Variants in ENPP6 observed in about 807,000 individuals in gnomAD.
ENPP6 encodes the protein glycerophosphocholine cholinephosphodiesterase ENPP6.
A neutral mutation model predicts 42.0 loss-of-function variants in ENPP6; 32 were observed. That is an observed-to-expected ratio of 0.76 (90% confidence interval 0.58 to 1.02). ENPP6 has a LOEUF of 1.02. ENPP6 is among the 50% of genes least tolerant of loss of function. ENPP6 has a pLI of 0.00. For synonymous variants in ENPP6, 213 were observed against 216.0 expected (o/e 0.99, Z 0.12); for missense variants, 552 against 566.8 (o/e 0.97, Z 0.27).
chr4:184,206,251 ATTTTTTTT>A (rs1554000365), intron 1 of ENPP6, among the ~76,000 whole-genome samples: 133 of 93,410 alleles, frequency 1.4e-3, no homozygotes, highest in African/African-American at 5.6e-3. Flanking sequence ...GGAAGCTTGA[ATTTTTTTT>A]TTTTTTTTTT....
rs1384427303 is a variant in ENPP6 at position 184,208,839 on chromosome 4, T to C, written c.241+8740A>G. On this transcript the variant is annotated intron_variant, in intron 1 of 7. Coordinates refer to ENST00000296741, the MANE Select transcript of ENPP6 (RefSeq NM_153343.4). The stretch of plus-strand genomic sequence containing the variant: ...TAACCTCTGCAGACTTAAATGTCCC[T>C]GTCAGCTTTGAAGAGAGCAGTGGTT... 1.4e-5 allele frequency among the ~76,000 whole-genome samples: 2 copies of C among 142,494 alleles called. 1 individual carries two copies. The highest frequency in any genetic ancestry group is 3.1e-5 in the Non-Finnish European group (2 of 63,620). The allele number at this position is 142,494 out of a possible 152,430, so 93.5% of individuals were successfully genotyped here.
rs1452365245 is a variant in ENPP6, at chr4:184,209,198, C to G, written c.241+8381G>C. Among the ~76,000 whole-genome samples the G allele has an allele frequency of 9.2e-4, 139 of 150,502 alleles. 2 individuals are homozygous for G. Among genetic ancestry groups the G allele is most frequent in the African/African-American group, 3.2e-3 (129 of 40,130 alleles). ...GAGCGCCTCTCCTCTTCCAAAGGAA[C>G]GCAGCTCCTCACCAGCAATGGAACA... is the stretch of plus-strand genomic sequence containing the variant. On this transcript the variant is annotated intron_variant, in intron 1 of 7. Transcript: ENST00000296741.
rs943528071 is a variant in ENPP6 at position 184,106,613 on chromosome 4, G to C, written c.993+6059C>G. On this transcript the variant is annotated intron_variant, in intron 6 of 7. Transcript: ENST00000296741. ...GCCTCAAGCTCCCTTCTCAGAGAGG[G>C]CCCCCCCAGCCCCTCATCTATATCG... Among the ~76,000 whole-genome samples, 8 of 152,028 alleles carry C rather than the reference G, an allele frequency of 5.3e-5. No homozygotes were observed. In the South Asian group the frequency reaches 1.0e-3, roughly 20 times the overall value.
At chr4:184,140,716 T>C (rs1579631066) in intron 2 of ENPP6, among the ~76,000 whole-genome samples, 1 of 131,052 alleles carries the variant, frequency 7.6e-6, no homozygotes, top group East Asian at 2.1e-4. Flanking sequence ...GATCCCTTCC[T>C]TACACCTTAT....
chr4:184,097,292 T>C lies in ENPP6; in HGVS notation c.1070A>G (p.Asp357Gly), dbSNP rs1288693634. Residue 357 changes from aspartate to glycine, a missense_variant, in exon 7 of 8, where the codon GAC becomes GGC. Asp to Gly is a moderately conservative substitution (Grantham distance 94, BLOSUM62 -1). Around this residue, in one of 2 missense-constraint regions of ENPP6, gnomAD observed 545 missense variants for 546.3 expected, o/e 1.00. Transcript: ENST00000296741. ...EGWQRGWHGYDNELMDMRGIF... is the reference protein window; with the variant it reads ...EGWQRGWHGYGNELMDMRGIF... ...GCCCCGCATGTCCATGAGCTCGTTG[T>C]CGTAGCCGTGCCATCCACGCTGCCA... 6.2e-6 allele frequency: 10 copies of C among 1,614,088 alleles called. No individual in the cohort carries two copies. The highest frequency in any genetic ancestry group is 5.0e-5 in the Admixed American group (3 of 59,996).
intron 1 of ENPP6, among the ~76,000 whole-genome samples, chr4:184,182,338 G>A (rs958869883): frequency 7.9e-5 from 12 of 152,026 alleles, no homozygotes; most frequent in South Asian, 4.2e-4. Context: ...TCAGAACGGC[G>A]ATTACTAGGA....
intron 1 of ENPP6, among the ~76,000 whole-genome samples, chr4:184,205,929 G>A (rs1040373237): frequency 6.6e-6 from 1 of 152,204 alleles, no homozygotes; most frequent in Admixed American, 6.5e-5. Flanking sequence ...TGGGACCTGT[G>A]AGCCGTCAGG....
intron 1 of ENPP6, among the ~76,000 whole-genome samples, chr4:184,196,339 T>C (rs924544227): frequency 1.3e-4 from 20 of 152,256 alleles, no homozygotes; most frequent in African/African-American, 4.6e-4. Flanking sequence ...TTGCTTCAAC[T>C]TTATTCAAGC....
At chr4:184,195,219 C>A (rs1245035832) in intron 1 of ENPP6, among the ~76,000 whole-genome samples, 3 of 152,068 alleles carry the variant, frequency 2.0e-5, no homozygotes, top group African/African-American at 7.3e-5. Context: ...CGGATTATTT[C>A]ATCACCCTGG....
At chr4:184,141,648 C>T (rs2111368590) in intron 2 of ENPP6, among the ~76,000 whole-genome samples, 1 of 152,288 alleles carries the variant, frequency 6.6e-6, no homozygotes, top group Admixed American at 6.5e-5. Flanking sequence ...AGTCTGCCTT[C>T]TTGCTGGGTA....
chr4:184,176,958 A>G (rs777082022), intron 1 of ENPP6, among the ~76,000 whole-genome samples: 10 of 152,084 alleles, frequency 6.6e-5, no homozygotes, highest in Non-Finnish European at 1.5e-4. Flanking sequence ...TGATTGAGCT[A>G]CCCTGCGCGG....
At chr4:184,206,933 T>G (rs1733010236) in intron 1 of ENPP6, among the ~76,000 whole-genome samples, 1 of 152,232 alleles carries the variant, frequency 6.6e-6, no homozygotes. Flanking sequence ...CACAACCTTC[T>G]GGCCACTCTA....
At chr4:184,117,181 G>T in intron 4 of ENPP6, 146 bp from the exon 5 acceptor site, 1 of 943,554 alleles carries the variant, frequency 1.1e-6, no homozygotes, top group Non-Finnish European at 1.6e-6. Context: ...GTGAGACCCA[G>T]TTCAAAACCA....
intron 6 of ENPP6, among the ~76,000 whole-genome samples, chr4:184,102,635 G>A (rs1736024682): frequency 6.6e-6 from 1 of 152,198 alleles, no homozygotes; most frequent in South Asian, 2.1e-4. Flanking sequence ...GTTGAAATCT[G>A]TCTTCTCTGC....
At chr4:184,136,355 C>T (rs1359914008) in intron 2 of ENPP6, among the ~76,000 whole-genome samples, 1 of 151,978 alleles carries the variant, frequency 6.6e-6, no homozygotes, top group Non-Finnish European at 1.5e-5. Context: ...TAATTCTCTA[C>T]AGGATTTTAA....
chr4:184,170,887 T>C (rs1022255947), intron 1 of ENPP6, among the ~76,000 whole-genome samples: 1 of 152,240 alleles, frequency 6.6e-6, no homozygotes, highest in Non-Finnish European at 1.5e-5. Context: ...CCACCGATAA[T>C]CATCACCTAC....
At chr4:184,094,252 C>T (rs1031135410) in intron 7 of ENPP6, among the ~76,000 whole-genome samples, 5 of 152,222 alleles carry the variant, frequency 3.3e-5, no homozygotes, top group Admixed American at 6.5e-5. Context: ...ACTCCAGCCT[C>T]GATGACAGAG....
At chr4:184,136,611 G>A (rs192928936) in intron 2 of ENPP6, among the ~76,000 whole-genome samples, 2 of 152,216 alleles carry the variant, frequency 1.3e-5, no homozygotes, top group East Asian at 3.9e-4. Context: ...ATTTTCACTT[G>A]ATATAGAATT....
At chr4:184,097,972 G>A in intron 6 of ENPP6, among the ~76,000 whole-genome samples, 1 of 152,178 alleles carries the variant, frequency 6.6e-6, no homozygotes, top group East Asian at 1.9e-4. Flanking sequence ...GCGCGATGAA[G>A]CCCCACGTGA....
Sources: gnomAD v4.1 joint callset for allele counts (sites outside exome capture counted in the v4.1 genomes callset) on GRCh38, gnomAD v4.1.1 for gene constraint, gnomAD v4.1.1 regional missense constraint, MANE v1.5 for transcripts, NCBI Gene and HGNC (gene_info 2026-07-23, HGNC 2026-07-21) for gene names.